Variants in PCYOX1 observed in about 807,000 individuals in gnomAD.
The protein encoded by PCYOX1 is prenylcysteine oxidase 1, also known as prenylcysteine lyase.
In PCYOX1, 46 loss-of-function variants were observed where a neutral mutation model predicts 46.4. The observed-to-expected ratio is 0.99, with a 90% CI of 0.78 to 1.27. The LOEUF (loss-of-function observed/expected upper bound fraction) is 1.27. Among genes scored for constraint, PCYOX1 ranks in the 50% most tolerant of loss-of-function variants. The pLI, the probability that PCYOX1 is intolerant of heterozygous loss-of-function variation, is 0.00. For synonymous variants in PCYOX1, 220 were observed against 231.8 expected, an observed-to-expected ratio of 0.95 and a Z score of 0.46; for missense variants, 658 against 628.3, an observed-to-expected ratio of 1.05 and a Z score of -0.51.
Position 70,277,222 on chromosome 2 carries a change from C to G in PCYOX1, c.1348C>G (p.Leu450Val), listed in dbSNP as rs780103574. 1 of 1,614,042 alleles carries G rather than the reference C, an allele frequency of 6.2e-7. No individual in the cohort carries two copies. The highest frequency in any genetic ancestry group is 8.5e-7 in the Non-Finnish European group (1 of 1,180,036). ...CCCGGAGAAATGCCCCTCTATCATT[C>G]TCCATGATCGACTTTATTACCTCAA... ...KPPEKCPSII[L>V]HDRLYYLNGI... The change falls in exon 6 of 6, where the codon CTC (leucine) becomes GTC (valine). Residue 450 changes from leucine to valine, a missense_variant. Leu to Val is a conservative substitution (Grantham distance 32). Coordinates refer to ENST00000433351, the MANE Select transcript of PCYOX1 (RefSeq NM_016297.4).
rs560373160 is a variant in PCYOX1 at position 70,280,606 on chromosome 2, A to G, written c.*3214A>G. 6.6e-6 allele frequency: 1 copy of G among 152,378 alleles called. No homozygotes were observed. The highest frequency in any genetic ancestry group is 2.4e-5 in the African/African-American group (1 of 41,598). The allele number at this position is 152,378 out of a possible 1,614,324, so 9.4% of individuals were successfully genotyped here. A position where few individuals can be genotyped will look rare whatever the true frequency, so the allele number is the denominator to read the frequency against. The stretch of plus-strand genomic sequence containing the variant: ...GAACCACACTTGAAGAACTAGTTCT[A>G]CAATTCAGCTGTATGTTGTAAAGGA... On this transcript the variant is annotated 3_prime_UTR_variant, in exon 6 of 6. Transcript: ENST00000433351.
chr2:70,270,369 A>G (rs780765257), intron 3 of PCYOX1, among the ~76,000 whole-genome samples: 1 of 152,184 alleles, frequency 6.6e-6, no homozygotes, highest in Non-Finnish European at 1.5e-5. Flanking sequence ...GAAAGAGTCA[A>G]TGTTGATCAT....
rs368423614 is a variant in PCYOX1, at chr2:70,261,344, G to A, written c.452G>A (p.Arg151His). The change falls in exon 3 of 6, where the codon CGT becomes CAT. Residue 151 changes from arginine to histidine, a missense_variant. Physicochemically the swap from Arg to His is conservative, Grantham distance 29 (BLOSUM62 0). Transcript: ENST00000433351. ...TGGCGCTATGGATTTCAATCCCTCCGTATGCACATGTGGGTAGAGGACGTG... is the reference window on the plus strand; with the variant it reads ...TGGCGCTATGGATTTCAATCCCTCCATATGCACATGTGGGTAGAGGACGTG... ...LVWRYGFQSL[R>H]MHMWVEDVLD... 37 of 1,612,798 alleles carry A rather than the reference G, an allele frequency of 2.3e-5. No individual in the cohort carries two copies. Among genetic ancestry groups the A allele is most frequent in the East Asian group, 1.6e-4 (7 of 44,888 alleles).
chr2:70,259,448 A>C lies in PCYOX1; in HGVS notation c.201A>C (p.Glu67Asp). 1 of 1,614,100 alleles carries C rather than the reference A, an allele frequency of 6.2e-7. No homozygotes were observed. The highest frequency in any genetic ancestry group is 8.5e-7 in the Non-Finnish European group (1 of 1,179,984). The change falls in exon 2 of 6, where the codon GAA (glutamate) becomes GAC (aspartate). Residue 67 changes from glutamate to aspartate, a missense_variant. Coordinates refer to ENST00000433351, the MANE Select transcript of PCYOX1 (RefSeq NM_016297.4). The stretch of plus-strand genomic sequence containing the variant: ...AAGATGTGAAGATAGACCTGTTTGA[A>C]AGAGAAGAGGTCGGGGGCCGCCTGG... ...FGKDVKIDLF[E>D]REEVGGRLAT...
At chr2:70,263,189 G>A (rs1270351738) in intron 3 of PCYOX1, among the ~76,000 whole-genome samples, 2 of 151,252 alleles carry the variant, frequency 1.3e-5, no homozygotes, top group Non-Finnish European at 2.9e-5. Context: ...AGCCACGATC[G>A]TGCCATTACA....
intron 1 of PCYOX1, chr2:70,258,524 G>GGGCGGGCAGGCAGGCGCC (rs1696382169): frequency 5.5e-6 from 2 of 362,728 alleles, no homozygotes; most frequent in Admixed American, 1.0e-4. Context: ...GGACAGGGGC[G>GGGCGGGCAGGCAGGCGCC]GGCGGGCAGG....
chr2:70,275,567 A>G lies in PCYOX1; in HGVS notation c.760A>G (p.Asn254Asp), dbSNP rs1350784191. ...DSGLWAVEGG[N>D]KLVCSGLLQA... ...TGGCCTTTGGGCAGTAGAAGGTGGC[A>G]ATAAACTTGTTTGCTCAGGGCTTCT... The change falls in exon 5 of 6, where the codon AAT (asparagine) becomes GAT (aspartate). Residue 254 changes from asparagine to aspartate, a missense_variant. Transcript: ENST00000433351. The G allele has an allele frequency of 6.8e-6, 11 of 1,614,110 alleles. No homozygotes were observed. In the South Asian group the frequency reaches 8.8e-5, roughly 13 times the overall value.
chr2:70,265,787 T>C (rs1288125125), intron 3 of PCYOX1, among the ~76,000 whole-genome samples: 1 of 152,142 alleles, frequency 6.6e-6, no homozygotes, highest in Admixed American at 6.5e-5. Context: ...TGGGGACTTG[T>C]AAGATCCTTA....
At position 70,259,528 on chromosome 2, in the gene PCYOX1, C is replaced by T. The variant is rs764605787; in HGVS notation, c.281C>T (p.Pro94Leu). Residue 94 changes from proline to leucine, a missense_variant, in exon 2 of 6, where the codon CCT (proline) becomes CTT (leucine). Pro to Leu is a moderately conservative substitution (Grantham distance 98). Transcript: ENST00000433351. Reference protein sequence around the residue: ...EYEAGGSVIHPLNLHMKRFVK... With the variant: ...EYEAGGSVIHLLNLHMKRFVK... The stretch of plus-strand genomic sequence containing the variant: ...GAGGCAGGAGGTTCTGTCATCCATC[C>T]TTTAAATCTGCACATGAAACGTTTT... 3 of 1,614,048 alleles carry T rather than the reference C, an allele frequency of 1.9e-6. No homozygotes were observed. Among genetic ancestry groups the T allele is most frequent in the Non-Finnish European group, 2.5e-6 (3 of 1,179,992 alleles).
chr2:70,263,227 G>T (rs914890622), intron 3 of PCYOX1, among the ~76,000 whole-genome samples: 1 of 119,422 alleles, frequency 8.4e-6, no homozygotes, highest in African/African-American at 2.6e-5. Context: ...GAGCCAGACT[G>T]TCTAAAAAAA....
At chr2:70,261,469 C>A in intron 3 of PCYOX1, 83 bp downstream of exon 3, 1 of 985,716 alleles carries the variant, frequency 1.0e-6, no homozygotes, top group Non-Finnish European at 1.5e-6. Flanking sequence ...ATTATGATTT[C>A]TTGTAAGCAT....
intron 3 of PCYOX1, among the ~76,000 whole-genome samples, chr2:70,272,201 A>C (rs1696610836): frequency 6.8e-6 from 1 of 146,616 alleles, no homozygotes; most frequent in Non-Finnish European, 1.5e-5. Flanking sequence ...ATCTCGGCTC[A>C]CTGCAACCTC....
intron 3 of PCYOX1, among the ~76,000 whole-genome samples, chr2:70,264,386 GTGCAATCTCGGCTCAC>G (rs1053095395): frequency 1.3e-5 from 2 of 151,944 alleles, no homozygotes; most frequent in African/African-American, 4.8e-5. Context: ...GAGTGCAGTG[GTGCAATCTCGGCTCAC>G]TGCAACCTCT....
At chr2:70,268,112 A>C (rs1696553825) in intron 3 of PCYOX1, among the ~76,000 whole-genome samples, 2 of 152,054 alleles carry the variant, frequency 1.3e-5, no homozygotes, top group Admixed American at 1.3e-4. Context: ...CCCGGCCGTA[A>C]ATTTGTGTTG....
rs3214762 is a variant in PCYOX1, at chr2:70,259,343, G to GT, written c.113-10dup. On this transcript the variant is annotated splice_polypyrimidine_tract_variant and intron_variant, in intron 1 of 5. Transcript: ENST00000433351. ...GTAAAAGGGGAAAATATAATCTTCT[G>GT]TTTTTTTCCCTCATAGCGATTATTG... 0.071 allele frequency: 113,566 copies of GT among 1,605,192 alleles called. 4,530 individuals are homozygous for GT. The highest frequency in any genetic ancestry group is 0.18 in the East Asian group (8,166 of 44,826).
At chr2:70,261,469 C>G (rs1559033654) in intron 3 of PCYOX1, 83 bp downstream of exon 3, 7 of 985,720 alleles carry the variant, frequency 7.1e-6, no homozygotes, top group Non-Finnish European at 1.1e-5. Flanking sequence ...ATTATGATTT[C>G]TTGTAAGCAT....
At chr2:70,261,948 C>T (rs1015846017) in intron 3 of PCYOX1, among the ~76,000 whole-genome samples, 1 of 152,148 alleles carries the variant, frequency 6.6e-6, no homozygotes, top group African/African-American at 2.4e-5. Context: ...GTAAAAGTTC[C>T]ATATTCCAAG....
Position 70,259,416 on chromosome 2 carries a change from T to A in PCYOX1, c.169T>A (p.Phe57Ile), listed in dbSNP as rs569099299. ...AGCAGCCTATTACCTGCGGCAGAAA[T>A]TTGGGAAAGATGTGAAGATAGACCT... Reference protein sequence around the residue: ...TSAAYYLRQKFGKDVKIDLFE... With the variant: ...TSAAYYLRQKIGKDVKIDLFE... Residue 57 changes from phenylalanine to isoleucine, a missense_variant, in exon 2 of 6, where the codon TTT (phenylalanine) becomes ATT (isoleucine). Phe to Ile is a conservative substitution (Grantham distance 21, BLOSUM62 0). Transcript: ENST00000433351. 6.2e-7 allele frequency: 1 copy of A among 1,614,098 alleles called. No individual in the cohort carries two copies. Among genetic ancestry groups the A allele is most frequent in the Admixed American group, 1.7e-5 (1 of 60,004 alleles).
At chr2:70,258,988 G>T (rs908921387) in intron 1 of PCYOX1, among the ~76,000 whole-genome samples, 7 of 152,108 alleles carry the variant, frequency 4.6e-5, no homozygotes, top group African/African-American at 7.2e-5. Context: ...ACAAAGCTAG[G>T]CATAAATGGC....
Sources: gnomAD v4.1 joint callset for allele counts (sites outside exome capture counted in the v4.1 genomes callset) on GRCh38, gnomAD v4.1.1 for gene constraint, MANE v1.5 for transcripts, NCBI Gene and HGNC (gene_info 2026-07-23, HGNC 2026-07-21) for gene names.